Variants in RIMS2 observed in about 807,000 individuals in gnomAD.
RIMS2 encodes the protein regulating synaptic membrane exocytosis 2, also known as regulating synaptic membrane exocytosis protein 2.
Under a neutral mutation model 174.4 loss-of-function variants are expected in RIMS2, and 59 were observed. The ratio of observed to expected loss-of-function variants is 0.34; its 90% CI spans 0.27 to 0.42. The LOEUF (loss-of-function observed/expected upper bound fraction) is 0.42, where lower values mean the gene tolerates loss of function less well. RIMS2 is among the 10% of genes least tolerant of loss of function. The pLI is 1.00. For synonymous variants in RIMS2, 606 were observed against 572.5 expected (o/e 1.06, Z -0.84); for missense variants, 1,620 against 1,666.3 (o/e 0.97, Z 0.48).
At chr8:103,944,911 A>T (rs999813233) in intron 14 of RIMS2, among the ~76,000 whole-genome samples, 1 of 152,082 alleles carries the variant, frequency 6.6e-6, no homozygotes, top group African/African-American at 2.4e-5. Flanking sequence ...TAGAAAGCTA[A>T]AAACAACATT....
intron 19 of RIMS2, among the ~76,000 whole-genome samples, chr8:104,145,671 CAATAAATAAATAAATAAATAAATA>C (rs61691382): frequency 7.5e-6 from 1 of 132,678 alleles, no homozygotes; most frequent in Non-Finnish European, 1.6e-5. Flanking sequence ...ACTAAAAATA[CAATAAATAAATAAATAAATAAATA>C]AATAAATAAA....
intron 1 of RIMS2, among the ~76,000 whole-genome samples, chr8:103,544,808 G>C (rs1489618722): frequency 1.3e-5 from 2 of 152,144 alleles, no homozygotes; most frequent in Non-Finnish European, 2.9e-5. Context: ...GAACAGACTA[G>C]AATCAAAGCG....
chr8:104,193,939 G>A (rs2099010873), intron 19 of RIMS2, among the ~76,000 whole-genome samples: 1 of 152,044 alleles, frequency 6.6e-6, no homozygotes, highest in Non-Finnish European at 1.5e-5. Context: ...GGTTTTTATT[G>A]TTGTTTTTCA....
chr8:103,649,273 C>A (rs931241956), intron 1 of RIMS2, among the ~76,000 whole-genome samples: 1 of 152,144 alleles, frequency 6.6e-6, no homozygotes, highest in African/African-American at 2.4e-5. Flanking sequence ...GGCCCCTAAT[C>A]TCTTCTGGCT....
At chr8:103,721,945 G>C (rs1387896855) in intron 2 of RIMS2, among the ~76,000 whole-genome samples, 1 of 152,174 alleles carries the variant, frequency 6.6e-6, no homozygotes, top group Non-Finnish European at 1.5e-5. Flanking sequence ...CCAGTATATG[G>C]AAGATGGAGG....
rs182908280 is a variant in RIMS2 at position 103,620,399 on chromosome 8, C to T, written c.177-76687C>T. Among the ~76,000 whole-genome samples, 3 of 151,382 alleles carry T rather than the reference C, an allele frequency of 2.0e-5. No individual in the cohort carries two copies. In the East Asian group the frequency reaches 5.8e-4, roughly 29 times the overall value. ...AATTCTTGTTTTTTTTCAATATGAA[C>T]AACTAAATGTTGACCGCATCATTTA... On this transcript the variant is annotated intron_variant, in intron 1 of 23. Coordinates refer to ENST00000504942, the Ensembl canonical transcript of RIMS2.
At position 104,111,471 on chromosome 8, in the gene RIMS2, G is replaced by A. The variant is rs778366219; in HGVS notation, c.3334+96856G>A. Among the ~76,000 whole-genome samples the A allele has an allele frequency of 9.5e-4, 144 of 152,188 alleles. No individual in the cohort carries two copies. The Middle Eastern group carries it at 0.024, about 25-fold the overall frequency. On this transcript the variant is annotated intron_variant, in intron 19 of 23. Coordinates refer to ENST00000504942, the Ensembl canonical transcript of RIMS2. ...CATCCAGGCTGGAGTGCAGTGGTGC[G>A]ATCTCAGCTCACTGCAACCTCTGCC...
At chr8:103,644,766 A>T (rs569013289) in intron 1 of RIMS2, among the ~76,000 whole-genome samples, 2 of 151,712 alleles carry the variant, frequency 1.3e-5, no homozygotes, top group Admixed American at 6.6e-5. Flanking sequence ...TATACATTTC[A>T]TATATAGATG....
At chr8:103,745,606 T>C (rs2097802159) in intron 2 of RIMS2, among the ~76,000 whole-genome samples, 1 of 152,220 alleles carries the variant, frequency 6.6e-6, no homozygotes, top group Non-Finnish European at 1.5e-5. Context: ...AGTTACACTA[T>C]CCTCACATCT....
intron 1 of RIMS2, among the ~76,000 whole-genome samples, chr8:103,606,487 G>T (rs1238089385): frequency 1.3e-5 from 2 of 152,156 alleles, no homozygotes; most frequent in Admixed American, 6.5e-5. Flanking sequence ...GTTGATTTGT[G>T]GTGGAGAGTT....
exon 13 of RIMS2, chr8:103,936,714 T>C (rs1471988339): frequency 6.2e-7 from 1 of 1,603,152 alleles, no homozygotes; most frequent in Admixed American, 1.7e-5. Context: ...AAGTGAATTC[T>C]TAGGCGAGGT....
intron 2 of RIMS2, among the ~76,000 whole-genome samples, chr8:103,732,218 T>C (rs1458100873): frequency 6.6e-6 from 1 of 152,200 alleles, no homozygotes; most frequent in Non-Finnish European, 1.5e-5. Context: ...GATGCCATGG[T>C]GGTCTTGGGT....
At position 104,173,613 on chromosome 8, in the gene RIMS2, ATTTTTTTTTTTTTTTTTT is replaced by A. The variant is rs71297262; in HGVS notation, c.3335-71287_3335-71270del. The stretch of plus-strand genomic sequence containing the variant: ...AATATTTACTACCTTAGCTCTTCTG[ATTTTTTTTTTTTTTTTTT>A]TTTTTTTTTTTTTTTGAGATGGAGT... On this transcript the variant is annotated intron_variant, in intron 19 of 23. Transcript: ENST00000504942. Among the ~76,000 whole-genome samples the A allele has an allele frequency of 1.7e-4, 9 of 54,240 alleles. 1 individual carries two copies. The highest frequency in any genetic ancestry group is 6.9e-4 in the African/African-American group (8 of 11,604). 35.6% of individuals were successfully genotyped at this position (54,240 alleles called of 152,430 possible).
At chr8:104,248,135 A>G (rs2099345947) in intron 20 of RIMS2, among the ~76,000 whole-genome samples, 1 of 152,160 alleles carries the variant, frequency 6.6e-6, no homozygotes, top group African/African-American at 2.4e-5. Flanking sequence ...ACATGATTAG[A>G]CTTTCAAGAG....
intron 1 of RIMS2, among the ~76,000 whole-genome samples, chr8:103,572,152 C>G (rs1053071970): frequency 6.6e-6 from 1 of 152,108 alleles, no homozygotes; most frequent in Non-Finnish European, 1.5e-5. Flanking sequence ...TCTCGCTTGA[C>G]TTCAGGAGTG....
intron 1 of RIMS2, among the ~76,000 whole-genome samples, chr8:103,622,001 T>A (rs774693346): frequency 6.6e-5 from 10 of 152,170 alleles, no homozygotes; most frequent in Non-Finnish European, 1.2e-4. Context: ...ATAAAAATAA[T>A]CCAAAAATAT....
intron 2 of RIMS2, among the ~76,000 whole-genome samples, chr8:103,748,454 A>G (rs572016375): frequency 6.6e-6 from 1 of 152,178 alleles, no homozygotes; most frequent in South Asian, 2.1e-4. Context: ...TCAAATACAT[A>G]CATACATACA....
At chr8:103,625,331 A>G (rs1209967255) in intron 1 of RIMS2, among the ~76,000 whole-genome samples, 1 of 152,194 alleles carries the variant, frequency 6.6e-6, no homozygotes, top group Non-Finnish European at 1.5e-5. Context: ...GACTTAAAGT[A>G]TCCTGCCCAC....
chr8:104,125,639 A>AT (rs1566560443), intron 19 of RIMS2, among the ~76,000 whole-genome samples: 1 of 152,150 alleles, frequency 6.6e-6, no homozygotes, highest in Non-Finnish European at 1.5e-5. Context: ...CTAGAGAATA[A>AT]TTTTTTTAAA....
Sources: allele counts gnomAD v4.1 joint callset (sites outside exome capture counted in the v4.1 genomes callset), GRCh38; gene constraint gnomAD v4.1.1; transcripts MANE v1.5; gene names NCBI Gene and HGNC (gene_info 2026-07-23, HGNC 2026-07-21).